Variants in NPAS3 observed in about 807,000 individuals in gnomAD.
NPAS3 encodes neuronal PAS domain-containing protein 3.
Under a neutral mutation model 73.1 loss-of-function variants are expected in NPAS3, and 14 were observed. That is an observed-to-expected ratio of 0.19 (90% CI 0.13 to 0.30). The LOEUF (loss-of-function observed/expected upper bound fraction) is 0.30, where lower values mean the gene tolerates loss of function less well. Ranked by LOEUF, NPAS3 falls within the 10% of genes least tolerant of loss-of-function variation. NPAS3 has a pLI of 1.00. For missense variants in NPAS3, 1,096 were observed against 1,250.0 expected, an observed-to-expected ratio of 0.88 and a Z score of 1.86; for synonymous variants, 620 against 541.5, an observed-to-expected ratio of 1.14 and a Z score of -2.01.
chr14:33,784,899 C>T (rs1260264226), intron 9 of NPAS3, among the ~76,000 whole-genome samples: 9 of 149,822 alleles, frequency 6.0e-5, no homozygotes, highest in East Asian at 2.0e-4. Flanking sequence ...TACAGGCATG[C>T]GCCACCACGC....
At chr14:32,939,623 CAAAA>C (rs752795909) in intron 1 of NPAS3, among the ~76,000 whole-genome samples, 3 of 110,294 alleles carry the variant, frequency 2.7e-5, no homozygotes, top group Admixed American at 9.5e-5. Flanking sequence ...GACTCACTGA[CAAAA>C]AAAAAAAAAA....
At chr14:33,651,211 G>T (rs537533756) in intron 5 of NPAS3, among the ~76,000 whole-genome samples, 1 of 152,054 alleles carries the variant, frequency 6.6e-6, no homozygotes, top group East Asian at 1.9e-4. Flanking sequence ...CCTTTCTCCC[G>T]CCAAAGTGCT....
At chr14:33,273,019 A>C (rs1021487833) in intron 3 of NPAS3, among the ~76,000 whole-genome samples, 1 of 152,082 alleles carries the variant, frequency 6.6e-6, no homozygotes, top group East Asian at 1.9e-4. Flanking sequence ...TATTCTTTCA[A>C]TTGCTGTTGC....
At chr14:33,444,551 C>G (rs138375252) in intron 4 of NPAS3, among the ~76,000 whole-genome samples, 1 of 152,314 alleles carries the variant, frequency 6.6e-6, no homozygotes, top group East Asian at 1.9e-4. Context: ...TTGGTCTAAA[C>G]TGGTGAAACA....
intron 1 of NPAS3, among the ~76,000 whole-genome samples, chr14:32,997,510 T>C (rs1313915864): frequency 6.6e-6 from 1 of 152,182 alleles, no homozygotes; most frequent in Admixed American, 6.5e-5. Flanking sequence ...GATTGAATAA[T>C]GGGGGTGGGT....
At chr14:33,211,838 A>C (rs2047049637) in intron 2 of NPAS3, among the ~76,000 whole-genome samples, 1 of 152,166 alleles carries the variant, frequency 6.6e-6, no homozygotes, top group Non-Finnish European at 1.5e-5. Context: ...ATTCATGAAG[A>C]ATCTCTTTTC....
intron 3 of NPAS3, among the ~76,000 whole-genome samples, chr14:33,227,289 A>G (rs573633226): frequency 6.8e-6 from 1 of 146,528 alleles, no homozygotes; most frequent in Non-Finnish European, 1.5e-5. Flanking sequence ...CACATCTGGT[A>G]GGCAATCAGA....
Position 33,490,490 on chromosome 14 carries a change from G to A in NPAS3, c.469-69631G>A, listed in dbSNP as rs117526527. On this transcript the variant is annotated intron_variant, in intron 4 of 11. Transcript: ENST00000356141. Reference sequence around the variant, plus strand: ...CTCACCTCAGTGCCTTGTTAATGCCGTTCATTAATCTAGAACCTCGAGCTT... The same window carrying A: ...CTCACCTCAGTGCCTTGTTAATGCCATTCATTAATCTAGAACCTCGAGCTT... Among the ~76,000 whole-genome samples, 1,422 of 152,132 alleles carry A rather than the reference G, an allele frequency of 9.3e-3. 10 individuals are homozygous for A. The highest frequency in any genetic ancestry group is 0.024 in the Middle Eastern group (7 of 294).
intron 1 of NPAS3, among the ~76,000 whole-genome samples, chr14:33,001,501 T>C (rs1326769552): frequency 2.0e-5 from 3 of 152,212 alleles, no homozygotes; most frequent in Non-Finnish European, 4.4e-5. Flanking sequence ...CCAATTTTCC[T>C]ATGGAGCTTA....
chr14:33,328,853 C>T (rs552323902), intron 3 of NPAS3, among the ~76,000 whole-genome samples: 4 of 152,218 alleles, frequency 2.6e-5, no homozygotes, highest in African/African-American at 9.6e-5. Flanking sequence ...ATATATATTT[C>T]GCTTTATGGC....
At chr14:33,351,452 A>G (rs1457660493) in intron 3 of NPAS3, among the ~76,000 whole-genome samples, 1 of 152,250 alleles carries the variant, frequency 6.6e-6, no homozygotes, top group Non-Finnish European at 1.5e-5. Flanking sequence ...GCTTGGGTAT[A>G]TATGTCTCTG....
rs530431802 is a variant in NPAS3, at chr14:33,688,688, C to G, written c.733+12303C>G. 7.2e-5 allele frequency among the ~76,000 whole-genome samples: 11 copies of G among 152,312 alleles called. No individual in the cohort carries two copies. In the South Asian group the frequency reaches 2.3e-3, roughly 32 times the overall value. On this transcript the variant is annotated intron_variant, in intron 6 of 11. Transcript: ENST00000356141. ...TTAACTGCAAAGTTTTAAGACAAGA[C>G]CTGTCAACTCCAAGTTCCAAGTTTT...
chr14:33,549,365 G>A (rs1434964211), intron 4 of NPAS3, among the ~76,000 whole-genome samples: 2 of 152,106 alleles, frequency 1.3e-5, no homozygotes, highest in East Asian at 1.9e-4. Context: ...CTGAGTAGCT[G>A]GGACCACAGG....
At chr14:33,301,306 T>TTATATATATATATATATATATATATA (rs1232866435) in intron 3 of NPAS3, among the ~76,000 whole-genome samples, 3 of 81,144 alleles carry the variant, frequency 3.7e-5, no homozygotes, top group Non-Finnish European at 7.0e-5. Flanking sequence ...GGTTTTATCA[T>TTATATATATATATATATATATATATA]TATATATATA....
At chr14:33,018,839 A>G (rs1352945252) in intron 1 of NPAS3, among the ~76,000 whole-genome samples, 3 of 152,118 alleles carry the variant, frequency 2.0e-5, no homozygotes, top group African/African-American at 4.8e-5. Flanking sequence ...TTTAAAGAGC[A>G]TTTATGTTGA....
At chr14:33,332,873 C>T (rs113891151) in intron 3 of NPAS3, among the ~76,000 whole-genome samples, 3,034 of 152,298 alleles carry the variant, frequency 0.02, 117 homozygotes, top group African/African-American at 0.069. Context: ...TAATGACCTG[C>T]AAGGTTATGC....
intron 6 of NPAS3, chr14:33,680,691 C>A (rs1004249353): frequency 4.7e-5 from 33 of 700,294 alleles, no homozygotes; most frequent in Non-Finnish European, 7.8e-5. Context: ...AGAGAGAACT[C>A]AGCCAGGGCA....
intron 2 of NPAS3, among the ~76,000 whole-genome samples, chr14:33,087,565 T>G (rs1012845441): frequency 8.5e-5 from 13 of 152,162 alleles, no homozygotes; most frequent in Admixed American, 7.9e-4. Context: ...GCTAAATGTT[T>G]TAAAGTAGGT....
intron 5 of NPAS3, among the ~76,000 whole-genome samples, chr14:33,647,358 A>C (rs142896922): frequency 0.016 from 2,454 of 152,078 alleles, 24 homozygotes; most frequent in Middle Eastern, 0.034. Context: ...AGGCTTCTTT[A>C]GTAATATTTT....
Sources: allele counts gnomAD v4.1 joint callset (sites outside exome capture counted in the v4.1 genomes callset), GRCh38; gene constraint gnomAD v4.1.1; transcripts MANE v1.5; gene names NCBI Gene and HGNC (gene_info 2026-07-23, HGNC 2026-07-21).